Variants in TAFA5 observed in about 807,000 individuals in gnomAD.
TAFA5 encodes TAFA chemokine like family member 5.
Under a neutral mutation model 15.3 loss-of-function variants are expected in TAFA5, and 6 were observed. The ratio of observed to expected loss-of-function variants is 0.39; its 90% CI spans 0.21 to 0.77. The LOEUF (loss-of-function observed/expected upper bound fraction) is 0.77, where lower values mean the gene tolerates loss of function less well. TAFA5 is among the 30% of genes least tolerant of loss of function. The probability of loss-of-function intolerance (pLI) is 0.41; values close to 1 mark genes in which losing one functional copy is unlikely to be tolerated. For synonymous variants in TAFA5, 103 were observed against 80.7 expected (o/e 1.28, Z -1.48); for missense variants, 161 against 193.1 (o/e 0.83, Z 0.98).
In TAFA5 at chr22:48,619,514, C is replaced by A. The variant is rs541808672; in HGVS notation, c.113-27083C>A. Among the ~76,000 whole-genome samples, 33 of 152,332 alleles carry A rather than the reference C, an allele frequency of 2.2e-4. No individual in the cohort carries two copies. In the South Asian group the frequency reaches 4.8e-3, roughly 22 times the overall value. On this transcript the variant is annotated intron_variant, in intron 1 of 3. Coordinates refer to ENST00000402357, the MANE Select transcript of TAFA5 (RefSeq NM_001082967.3). ...GGGACTACAGGTGCCCACCACCACA[C>A]CCAGCTAATTTTTGTATTTTTAGTA...
intron 3 of TAFA5, among the ~76,000 whole-genome samples, chr22:48,729,707 TATATAA>T (rs557071848): frequency 1.4e-3 from 206 of 147,330 alleles, no homozygotes; most frequent in Non-Finnish European, 2.5e-3. Context: ...TTATTTTAAA[TATATAA>T]ATATAAATTT....
chr22:48,651,473 C>T (rs1012456420), intron 2 of TAFA5, among the ~76,000 whole-genome samples: 1 of 152,124 alleles, frequency 6.6e-6, no homozygotes, highest in Non-Finnish European at 1.5e-5. Flanking sequence ...GCCTTGCGAG[C>T]CACCTGGGTC....
chr22:48,587,799 T>C (rs1285696608), intron 1 of TAFA5, among the ~76,000 whole-genome samples: 1 of 152,224 alleles, frequency 6.6e-6, no homozygotes, highest in Non-Finnish European at 1.5e-5. Context: ...TCTTCTCCTT[T>C]TGCGTTTTAA....
chr22:48,685,073 G>A (rs1928312789), intron 2 of TAFA5, among the ~76,000 whole-genome samples: 1 of 152,350 alleles, frequency 6.6e-6, no homozygotes, highest in Admixed American at 6.5e-5. Context: ...CACTTAAGAT[G>A]TACGTTGGTT....
chr22:48,567,521 G>A (rs1243863336), intron 1 of TAFA5, among the ~76,000 whole-genome samples: 1 of 152,242 alleles, frequency 6.6e-6, no homozygotes, highest in Non-Finnish European at 1.5e-5. Flanking sequence ...GGAGATAAGA[G>A]TCCCTGCGGT....
chr22:48,678,264 CG>C (rs940815835), intron 2 of TAFA5, among the ~76,000 whole-genome samples: 6 of 152,224 alleles, frequency 3.9e-5, no homozygotes, highest in African/African-American at 4.8e-5. Flanking sequence ...GGCTCTCTCC[CG>C]CCGGCTCTGT....
rs1040414292 is a variant in TAFA5, at chr22:48,750,259, C to T, written c.*412C>T. The stretch of plus-strand genomic sequence containing the variant: ...GGGGACTGTCAGGCACAGAAGCGGC[C>T]TCCTCCCGTGCCCCAGACTGTCCGA... On this transcript the variant is annotated 3_prime_UTR_variant, in exon 4 of 4. Coordinates refer to ENST00000402357, the MANE Select transcript of TAFA5 (RefSeq NM_001082967.3). The T allele has an allele frequency of 1.1e-5, 3 of 263,830 alleles. No homozygotes were observed. Among genetic ancestry groups the T allele is most frequent in the Non-Finnish European group, 2.2e-5 (3 of 137,932 alleles). 16.3% of individuals were successfully genotyped at this position (263,830 alleles called of 1,614,324 possible).
chr22:48,542,138 T>TGTGTG (rs1922409593), intron 1 of TAFA5, among the ~76,000 whole-genome samples: 1 of 128,596 alleles, frequency 7.8e-6, no homozygotes, highest in African/African-American at 2.8e-5. Context: ...GTGATGTGTA[T>TGTGTG]GTGTGTGTGT....
At chr22:48,648,380 G>A (rs980900775) in intron 2 of TAFA5, among the ~76,000 whole-genome samples, 5 of 152,168 alleles carry the variant, frequency 3.3e-5, no homozygotes, top group Non-Finnish European at 7.4e-5. Flanking sequence ...GGAGCCTGAC[G>A]TGGGCAGCCT....
chr22:48,725,326 A>G (rs1269675032), intron 3 of TAFA5, among the ~76,000 whole-genome samples: 4 of 152,232 alleles, frequency 2.6e-5, no homozygotes, highest in Non-Finnish European at 2.9e-5. Context: ...CCTCAAAGTC[A>G]AAACTCAAGT....
chr22:48,494,494 T>C (rs771272938), intron 1 of TAFA5, among the ~76,000 whole-genome samples: 17 of 152,160 alleles, frequency 1.1e-4, no homozygotes, highest in Non-Finnish European at 2.2e-4. Flanking sequence ...TTGATGACTG[T>C]TTGTTAGGAG....
At position 48,706,140 on chromosome 22, in the gene TAFA5, T is replaced by C. The variant is rs368243735; in HGVS notation, c.263-1577T>C. On this transcript the variant is annotated intron_variant, in intron 2 of 3. Transcript: ENST00000402357. ...GGTGACAGAGAGGCCTTCCCTACTC[T>C]GCAGGGCTGGCAACTGAGGCAGCCC... 1.6e-3 allele frequency among the ~76,000 whole-genome samples: 238 copies of C among 152,294 alleles called. 1 individual carries two copies. The highest frequency in any genetic ancestry group is 5.5e-3 in the African/African-American group (228 of 41,572).
intron 1 of TAFA5, among the ~76,000 whole-genome samples, chr22:48,559,802 A>G (rs573443329): frequency 1.3e-5 from 2 of 152,136 alleles, no homozygotes; most frequent in South Asian, 4.2e-4. Context: ...CCAGAGGCGG[A>G]GCGCGGCGGG....
At chr22:48,599,158 A>G (rs1405200445) in intron 1 of TAFA5, among the ~76,000 whole-genome samples, 2 of 152,142 alleles carry the variant, frequency 1.3e-5, no homozygotes, top group Non-Finnish European at 2.9e-5. Context: ...ATGATTGATT[A>G]AATCCTTGGG....
chr22:48,519,688 T>G (rs1270209228), intron 1 of TAFA5, among the ~76,000 whole-genome samples: 1 of 152,162 alleles, frequency 6.6e-6, no homozygotes, highest in East Asian at 1.9e-4. Context: ...CGCGTTCTTC[T>G]TGGAGCCCTG....
chr22:48,664,346 G>A (rs1319474223), intron 2 of TAFA5, among the ~76,000 whole-genome samples: 4 of 152,148 alleles, frequency 2.6e-5, no homozygotes, highest in Admixed American at 6.5e-5. Flanking sequence ...AAATGTAGTC[G>A]TGTCTCGTGA....
At chr22:48,675,592 G>A (rs924230682) in intron 2 of TAFA5, among the ~76,000 whole-genome samples, 3 of 152,238 alleles carry the variant, frequency 2.0e-5, no homozygotes, top group South Asian at 2.1e-4. Context: ...TCCTGGTGGC[G>A]GCCGTTTTCA....
intron 1 of TAFA5, among the ~76,000 whole-genome samples, chr22:48,568,220 C>G (rs1923471322): frequency 6.6e-6 from 1 of 152,244 alleles, no homozygotes; most frequent in South Asian, 2.1e-4. Context: ...AGCACCTTCC[C>G]CCTGCCCTGG....
intron 2 of TAFA5, among the ~76,000 whole-genome samples, chr22:48,661,094 C>T (rs1033232936): frequency 1.3e-5 from 2 of 152,150 alleles, no homozygotes; most frequent in African/African-American, 4.8e-5. Context: ...CAAAGGTTTG[C>T]TGAGCAAATC....
Sources: gnomAD v4.1 joint callset for allele counts (sites outside exome capture counted in the v4.1 genomes callset) on GRCh38, gnomAD v4.1.1 for gene constraint, MANE v1.5 for transcripts, NCBI Gene and HGNC (gene_info 2026-07-23, HGNC 2026-07-21) for gene names.